DENND1A: variants seen among roughly 807,000 people sequenced by gnomAD.
DENND1A encodes the protein DENN domain containing 1A.
DENND1A carries 51 observed loss-of-function variants against 113.7 expected under a neutral mutation model. The ratio of observed to expected loss-of-function variants is 0.45; its 90% CI spans 0.36 to 0.57. The LOEUF (loss-of-function observed/expected upper bound fraction) is 0.57, where lower values mean the gene tolerates loss of function less well. Among genes scored for constraint, DENND1A ranks in the 20% least tolerant of loss-of-function variants. The pLI is 0.00. For synonymous variants in DENND1A, 565 were observed against 570.8 expected (o/e 0.99, Z 0.14); for missense variants, 1,258 against 1,395.9 (o/e 0.90, Z 1.57).
At position 123,725,478 on chromosome 9, in the gene DENND1A, CT is replaced by C. The variant is rs558803885; in HGVS notation, c.302+32224del. On this transcript the variant is annotated intron_variant, in intron 5 of 23. Coordinates refer to ENST00000394215, the MANE Select transcript of DENND1A (RefSeq NM_001352964.2). ...CTATAATTCAAACCCTGTTTTGTGT[CT>C]GTCTTTATAGGTCATTGTTGGCCAG... is the stretch of plus-strand genomic sequence containing the variant. Among the ~76,000 whole-genome samples the C allele has an allele frequency of 1.8e-4, 28 of 152,352 alleles. 1 individual carries two copies. The South Asian group carries it at 2.7e-3, about 15-fold the overall frequency.
At chr9:123,484,806 G>C (rs748329011) in intron 13 of DENND1A, among the ~76,000 whole-genome samples, 1 of 152,162 alleles carries the variant, frequency 6.6e-6, no homozygotes, top group Non-Finnish European at 1.5e-5. Context: ...GCATGCAAGG[G>C]AGCTTCTGGG....
chr9:123,491,635 C>A (rs1393898600), intron 13 of DENND1A, among the ~76,000 whole-genome samples: 1 of 152,232 alleles, frequency 6.6e-6, no homozygotes, highest in Non-Finnish European at 1.5e-5. Context: ...TGTGTGACTG[C>A]TCTTCCTGCA....
chr9:123,850,771 T>C (rs1340450901), intron 2 of DENND1A, among the ~76,000 whole-genome samples: 6 of 152,190 alleles, frequency 3.9e-5, no homozygotes, highest in African/African-American at 2.4e-5. Context: ...AGGTAAAGCA[T>C]ATAAAACAAT....
At chr9:123,406,295 T>C (rs1342708640) in intron 20 of DENND1A, among the ~76,000 whole-genome samples, 3 of 152,216 alleles carry the variant, frequency 2.0e-5, no homozygotes, top group African/African-American at 7.2e-5. Context: ...TCCACCAAAC[T>C]GGCTGTCTTC....
chr9:123,804,880 G>A (rs1200681025), intron 2 of DENND1A, among the ~76,000 whole-genome samples: 1 of 152,138 alleles, frequency 6.6e-6, no homozygotes, highest in African/African-American at 2.4e-5. Context: ...CCTGTAGTCT[G>A]TTCTCAAATA....
At chr9:123,800,194 C>G (rs1328945712) in intron 2 of DENND1A, among the ~76,000 whole-genome samples, 1 of 152,188 alleles carries the variant, frequency 6.6e-6, no homozygotes, top group Non-Finnish European at 1.5e-5. Context: ...ACACAAGGGA[C>G]TCCCCCAGAT....
intron 5 of DENND1A, among the ~76,000 whole-genome samples, chr9:123,695,973 C>T (rs1162067570): frequency 3.5e-4 from 49 of 140,052 alleles, no homozygotes; most frequent in African/African-American, 1.3e-3. Flanking sequence ...CTTCCTTTTT[C>T]TGTTAATACA....
chr9:123,449,753 A>T (rs1163357314), intron 18 of DENND1A, among the ~76,000 whole-genome samples: 1 of 152,164 alleles, frequency 6.6e-6, no homozygotes, highest in Non-Finnish European at 1.5e-5. Context: ...ATGGAAAACC[A>T]AACATTGTAT....
intron 5 of DENND1A, among the ~76,000 whole-genome samples, chr9:123,753,019 T>C (rs1437390458): frequency 6.6e-6 from 1 of 152,182 alleles, no homozygotes; most frequent in Non-Finnish European, 1.5e-5. Flanking sequence ...ATGCATTTGA[T>C]TTATAGTGGC....
chr9:123,683,093 A>C (rs77023730), intron 5 of DENND1A, among the ~76,000 whole-genome samples: 34,421 of 152,118 alleles, frequency 0.23, 4,247 homozygotes, highest in Admixed American at 0.28. Flanking sequence ...TATCTCAGCC[A>C]AACATCTATA....
intron 4 of DENND1A, among the ~76,000 whole-genome samples, chr9:123,766,551 C>T (rs1828848088): frequency 6.6e-6 from 1 of 152,092 alleles, no homozygotes; most frequent in Non-Finnish European, 1.5e-5. Context: ...CGTTTCCTTC[C>T]TTTCCTTCTT....
intron 13 of DENND1A, among the ~76,000 whole-genome samples, chr9:123,481,998 T>C (rs1334301616): frequency 6.6e-6 from 1 of 152,050 alleles, no homozygotes; most frequent in African/African-American, 2.4e-5. Context: ...GAGATGGGAT[T>C]TGGCCATGTT....
At chr9:123,612,950 C>T (rs750150383) in intron 10 of DENND1A, among the ~76,000 whole-genome samples, 15 of 152,186 alleles carry the variant, frequency 9.9e-5, no homozygotes, top group Admixed American at 2.0e-4. Flanking sequence ...CCATTGGACC[C>T]ACTCTCCTAT....
intron 1 of DENND1A, among the ~76,000 whole-genome samples, chr9:123,913,472 G>A (rs1854447440): frequency 6.6e-6 from 1 of 152,028 alleles, no homozygotes; most frequent in Non-Finnish European, 1.5e-5. Flanking sequence ...AGGGGTACAG[G>A]GAAGCCTGGA....
chr9:123,831,548 T>C (rs1840212105), intron 2 of DENND1A, among the ~76,000 whole-genome samples: 1 of 152,178 alleles, frequency 6.6e-6, no homozygotes, highest in Non-Finnish European at 1.5e-5. Context: ...TTAGAACTTA[T>C]TATAAAGCTT....
chr9:123,580,067 C>G (rs1191717716), intron 12 of DENND1A, among the ~76,000 whole-genome samples: 1 of 152,192 alleles, frequency 6.6e-6, no homozygotes, highest in Non-Finnish European at 1.5e-5. Context: ...TTATTAAAAA[C>G]AAATGCAGGT....
At chr9:123,879,135 G>A in intron 1 of DENND1A, 114 bp from the exon 2 acceptor site, 1 of 1,018,772 alleles carries the variant, frequency 9.8e-7, no homozygotes, top group South Asian at 1.5e-5. Context: ...ACAACTTAAT[G>A]GCCGTGGAAC....
chr9:123,748,580 T>C (rs745361301), intron 5 of DENND1A, among the ~76,000 whole-genome samples: 1 of 152,234 alleles, frequency 6.6e-6, no homozygotes, highest in Non-Finnish European at 1.5e-5. Context: ...TTCAGACTCC[T>C]GTATTCACAA....
At chr9:123,392,858 T>G (rs1434063829) in intron 21 of DENND1A, among the ~76,000 whole-genome samples, 1 of 152,182 alleles carries the variant, frequency 6.6e-6, no homozygotes, top group Non-Finnish European at 1.5e-5. Flanking sequence ...TATGTCATTC[T>G]TACGCCTTTG....
Sources: allele counts gnomAD v4.1 joint callset (sites outside exome capture counted in the v4.1 genomes callset), GRCh38; gene constraint gnomAD v4.1.1; transcripts MANE v1.5; gene names NCBI Gene and HGNC (gene_info 2026-07-23, HGNC 2026-07-21).